FAM76B: variants seen among roughly 807,000 people sequenced by gnomAD.
FAM76B encodes protein FAM76B.
Under a neutral mutation model 51.8 loss-of-function variants are expected in FAM76B, and 16 were observed. That is an observed-to-expected ratio of 0.31 (90% CI 0.21 to 0.47). The LOEUF is 0.47. FAM76B is among the 20% of genes least tolerant of loss of function. The pLI is 1.00. For missense variants in FAM76B, 342 were observed against 392.6 expected, an observed-to-expected ratio of 0.87 and a Z score of 1.09; for synonymous variants, 166 against 129.5, an observed-to-expected ratio of 1.28 and a Z score of -1.91.
In FAM76B at chr11:95,778,810, C is replaced by T; in HGVS notation, c.828+12G>A. ...ATAACTCTTACCAGGCTTCAATGAA[C>T]CATGTTCTTACCTTTTTATCTTTTT... On this transcript the variant is annotated intron_variant, in intron 8 of 9. Coordinates refer to ENST00000358780, the MANE Select transcript of FAM76B (RefSeq NM_144664.5). 6.3e-7 allele frequency: 1 copy of T among 1,590,036 alleles called. No homozygotes were observed. Among genetic ancestry groups the T allele is most frequent in the South Asian group, 1.2e-5 (1 of 86,598 alleles).
chr11:95,788,228 T>C (rs906766053), intron 2 of FAM76B, among the ~76,000 whole-genome samples: 1 of 152,216 alleles, frequency 6.6e-6, no homozygotes, highest in African/African-American at 2.4e-5. Context: ...TTAACATAAC[T>C]GTTTACATTT....
Position 95,769,835 on chromosome 11 carries a change from A to C in FAM76B, c.*1726T>G, listed in dbSNP as rs1298557988. ...GGTTTAGTTTACAAGATTCTAACTGAATCTTTTTGTATCACTTGAAAATTA... is the reference window on the plus strand; with the variant it reads ...GGTTTAGTTTACAAGATTCTAACTGCATCTTTTTGTATCACTTGAAAATTA... On this transcript the variant is annotated 3_prime_UTR_variant, in exon 10 of 10. Coordinates refer to ENST00000358780, the MANE Select transcript of FAM76B (RefSeq NM_144664.5). 1 of 151,572 alleles carries C rather than the reference A, an allele frequency of 6.6e-6. No individual in the cohort carries two copies. Among genetic ancestry groups the C allele is most frequent in the Non-Finnish European group, 1.5e-5 (1 of 67,598 alleles). The allele number at this position is 151,572 out of a possible 1,614,324, so 9.4% of individuals were successfully genotyped here. A position where few individuals can be genotyped will look rare whatever the true frequency, so the allele number is the denominator to read the frequency against.
chr11:95,770,494 A>T lies in FAM76B; in HGVS notation c.*1067T>A, dbSNP rs537976657. On this transcript the variant is annotated 3_prime_UTR_variant, in exon 10 of 10. Coordinates refer to ENST00000358780, the MANE Select transcript of FAM76B (RefSeq NM_144664.5). ...TCATTGCAGAAACATTAAAATTTTT[A>T]AAAAATTTTATAAAATATAAAGCAA... 7 of 151,932 alleles carry T rather than the reference A, an allele frequency of 4.6e-5. No homozygotes were observed. In the South Asian group the frequency reaches 6.2e-4, roughly 14 times the overall value. 9.4% of individuals were successfully genotyped at this position (151,932 alleles called of 1,614,324 possible). A position where few individuals can be genotyped will look rare whatever the true frequency, so the allele number is the denominator to read the frequency against.
intron 9 of FAM76B, among the ~76,000 whole-genome samples, chr11:95,775,326 T>C (rs1859949892): frequency 6.6e-6 from 1 of 151,522 alleles, no homozygotes; most frequent in Non-Finnish European, 1.5e-5. Flanking sequence ...TGGTGACTCT[T>C]GACTTTACCA....
rs1859661721 is a variant in FAM76B at position 95,769,090 on chromosome 11, T to C, written c.*2471A>G. 6.6e-6 allele frequency: 1 copy of C among 152,410 alleles called. No homozygotes were observed. Among genetic ancestry groups the C allele is most frequent in the Admixed American group, 6.6e-5 (1 of 15,224 alleles). The allele number at this position is 152,410 out of a possible 1,614,324, so 9.4% of individuals were successfully genotyped here. A position where few individuals can be genotyped will look rare whatever the true frequency, so the allele number is the denominator to read the frequency against. ...TAACAGGTTCACTGCAGAATGCATA[T>C]TTAGACCAATATAATCTAAAAAGGA... On this transcript the variant is annotated 3_prime_UTR_variant, in exon 10 of 10. Coordinates refer to ENST00000358780, the MANE Select transcript of FAM76B (RefSeq NM_144664.5).
intron 1 of FAM76B, 149 bp from the exon 2 acceptor site, chr11:95,788,712 A>G: frequency 1.6e-6 from 2 of 1,217,154 alleles, no homozygotes; most frequent in Non-Finnish European, 2.3e-6. Flanking sequence ...TTATCATATA[A>G]GTGGCCAATC....
rs867123925 is a variant in FAM76B at position 95,788,709 on chromosome 11, A to C, written c.88-146T>G. On this transcript the variant is annotated intron_variant, in intron 1 of 9. Transcript: ENST00000358780. ...CGTAAAGAACTGGATGCTTTATCAT[A>C]TAAGTGGCCAATCACAATATAATTC... 10 of 1,212,018 alleles carry C rather than the reference A, an allele frequency of 8.3e-6. No homozygotes were observed. The Middle Eastern group carries it at 2.0e-3, about 238-fold the overall frequency. The allele number at this position is 1,212,018 out of a possible 1,614,324, so 75.1% of individuals were successfully genotyped here.
chr11:95,784,698 C>T (rs1391426231), intron 4 of FAM76B, among the ~76,000 whole-genome samples: 1 of 151,930 alleles, frequency 6.6e-6, no homozygotes, highest in East Asian at 1.9e-4. Context: ...CGCCATTCTC[C>T]TGCCTCAGCC....
Position 95,769,961 on chromosome 11 carries a change from T to C in FAM76B, c.*1600A>G, listed in dbSNP as rs570209410. Reference sequence around the variant, plus strand: ...TGAAACACGTCATGTTAAAAAAAAATTGTTTCAATCATGTGTTCTTAAGAA... The same window carrying C: ...TGAAACACGTCATGTTAAAAAAAAACTGTTTCAATCATGTGTTCTTAAGAA... On this transcript the variant is annotated 3_prime_UTR_variant, in exon 10 of 10. Transcript: ENST00000358780. 6 of 151,646 alleles carry C rather than the reference T, an allele frequency of 4.0e-5. No homozygotes were observed. The highest frequency in any genetic ancestry group is 1.4e-4 in the African/African-American group (6 of 41,498). The allele number at this position is 151,646 out of a possible 1,614,324, so 9.4% of individuals were successfully genotyped here.
At chr11:95,779,424 G>C (rs1258964125) in intron 7 of FAM76B, 183 bp downstream of exon 7, 1 of 594,384 alleles carries the variant, frequency 1.7e-6, no homozygotes, top group African/African-American at 1.9e-5. Context: ...ATAGTTCAGT[G>C]CCACTTTCTT....
intron 8 of FAM76B, 140 bp downstream of exon 8, chr11:95,778,682 G>C: frequency 9.3e-7 from 1 of 1,071,146 alleles, no homozygotes. Flanking sequence ...GATGGCTTCA[G>C]GGGCTTTTGT....
At chr11:95,786,948 G>A (rs1258105040) in intron 3 of FAM76B, 1 of 152,180 alleles carries the variant, frequency 6.6e-6, no homozygotes, top group African/African-American at 2.4e-5. Context: ...TGACTTCTGT[G>A]AATAAATATC....
intron 9 of FAM76B, among the ~76,000 whole-genome samples, chr11:95,775,628 G>C (rs1220656162): frequency 6.7e-6 from 1 of 150,026 alleles, no homozygotes; most frequent in African/African-American, 2.5e-5. Context: ...TTAATTTTTT[G>C]CTATAAGCCC....
chr11:95,782,597 A>G (rs1860333376), intron 5 of FAM76B, among the ~76,000 whole-genome samples: 1 of 152,174 alleles, frequency 6.6e-6, no homozygotes, highest in Admixed American at 6.5e-5. Flanking sequence ...TGGGGACCAC[A>G]AAGATCAGAA....
chr11:95,777,941 A>T (rs570465485), intron 8 of FAM76B, among the ~76,000 whole-genome samples: 9 of 151,642 alleles, frequency 5.9e-5, no homozygotes, highest in African/African-American at 1.9e-4. Flanking sequence ...AAAGATGATC[A>T]AACAGTAATA....
intron 1 of FAM76B, 26 bp from the exon 2 acceptor site, chr11:95,788,589 G>A (rs558820728): frequency 6.3e-7 from 1 of 1,590,722 alleles, no homozygotes; most frequent in Non-Finnish European, 8.6e-7. Flanking sequence ...ACATTAGTCA[G>A]TATCTTTCTG....
rs965171880 is a variant in FAM76B, at chr11:95,789,567, G to GCTCCTC, written c.-95_-90dup. 40 of 1,223,398 alleles carry GCTCCTC rather than the reference G, an allele frequency of 3.3e-5. No homozygotes were observed. The highest frequency in any genetic ancestry group is 2.1e-4 in the Admixed American group (9 of 42,798). The allele number at this position is 1,223,398 out of a possible 1,614,324, so 75.8% of individuals were successfully genotyped here. A position where few individuals can be genotyped will look rare whatever the true frequency, so the allele number is the denominator to read the frequency against. On this transcript the variant is annotated 5_prime_UTR_variant, in exon 1 of 10. Coordinates refer to ENST00000358780, the MANE Select transcript of FAM76B (RefSeq NM_144664.5). ...AGAGCCGCCGCCGCCCGGGCCGCGG[G>GCTCCTC]CTCCTCCTCCTCCCCCTCCCCCTGC...
chr11:95,773,458 C>CAAAAA (rs56008636), intron 9 of FAM76B, among the ~76,000 whole-genome samples: 31,907 of 127,012 alleles, frequency 0.25, 4,751 homozygotes, highest in Non-Finnish European at 0.34. Context: ...TGCAGCCAGC[C>CAAAAA]AAAAAAAAAA....
intron 9 of FAM76B, among the ~76,000 whole-genome samples, chr11:95,772,200 A>T (rs1859796924): frequency 6.6e-6 from 1 of 151,018 alleles, no homozygotes. Context: ...AATTTTTTTT[A>T]AAGCACCCAT....
Sources: gnomAD v4.1 joint callset for allele counts (sites outside exome capture counted in the v4.1 genomes callset) on GRCh38, gnomAD v4.1.1 for gene constraint, MANE v1.5 for transcripts, NCBI Gene and HGNC (gene_info 2026-07-23, HGNC 2026-07-21) for gene names.